STRN3: variants seen among roughly 807,000 people sequenced by gnomAD.
STRN3 encodes the protein striatin-3.
In STRN3, 29 loss-of-function variants were observed where a neutral mutation model predicts 95.6. The ratio of observed to expected loss-of-function variants is 0.30; its 90% CI spans 0.23 to 0.41. STRN3 has a LOEUF of 0.41. Ranked by LOEUF, STRN3 falls within the 10% of genes least tolerant of loss-of-function variation. The pLI, the probability that STRN3 is intolerant of heterozygous loss-of-function variation, is 1.00. For missense variants in STRN3, 890 were observed against 972.1 expected (o/e 0.92, Z 1.12); for synonymous variants, 331 against 357.6 (o/e 0.93, Z 0.84).
intron 1 of STRN3, among the ~76,000 whole-genome samples, chr14:30,966,237 A>T (rs959158223): frequency 2.6e-5 from 4 of 152,218 alleles, no homozygotes; most frequent in African/African-American, 9.6e-5. Flanking sequence ...AGGGATAAGA[A>T]CCCCTTCCCC....
At chr14:31,013,961 G>C (rs934423934) in intron 1 of STRN3, among the ~76,000 whole-genome samples, 1 of 142,426 alleles carries the variant, frequency 7.0e-6, no homozygotes, top group East Asian at 2.0e-4. Context: ...AGAGTGCAGT[G>C]GTGAGATCAT....
At position 30,943,903 on chromosome 14, in the gene STRN3, G is replaced by A. The variant is rs141051209; in HGVS notation, c.716+3187C>T. On this transcript the variant is annotated intron_variant, in intron 5 of 17. Coordinates refer to ENST00000357479, the MANE Select transcript of STRN3 (RefSeq NM_001083893.2). ...AGGAGGAAATGGGGAGCTGCTGTTC[G>A]AAAGTTATTGTTTCCAGTCATACCA... is the stretch of plus-strand genomic sequence containing the variant. Among the ~76,000 whole-genome samples, 417 of 152,124 alleles carry A rather than the reference G, an allele frequency of 2.7e-3. 2 individuals are homozygous for A. Among genetic ancestry groups the A allele is most frequent in the Non-Finnish European group, 4.4e-3 (297 of 67,996 alleles).
chr14:30,895,266 T>G lies in STRN3; in HGVS notation c.*145A>C, dbSNP rs141869629. 1.1e-4 allele frequency: 89 copies of G among 808,302 alleles called. No homozygotes were observed. The African/African-American group carries it at 1.3e-3, about 11-fold the overall frequency. The allele number at this position is 808,302 out of a possible 1,614,324, so 50.1% of individuals were successfully genotyped here. A position where few individuals can be genotyped will look rare whatever the true frequency, so the allele number is the denominator to read the frequency against. Reference sequence around the variant, plus strand: ...ACTTAATGAGCTTGACATTAAGATGTGATTTCCACCAATTTGTGCCTGCCC... The same window carrying G: ...ACTTAATGAGCTTGACATTAAGATGGGATTTCCACCAATTTGTGCCTGCCC... On this transcript the variant is annotated 3_prime_UTR_variant, in exon 18 of 18. Coordinates refer to ENST00000357479, the MANE Select transcript of STRN3 (RefSeq NM_001083893.2).
At chr14:30,977,691 G>C (rs1482014953) in intron 1 of STRN3, among the ~76,000 whole-genome samples, 2 of 150,498 alleles carry the variant, frequency 1.3e-5, no homozygotes, top group Non-Finnish European at 3.0e-5. Flanking sequence ...TACTCGAGAG[G>C]CTGAGGCAGG....
intron 1 of STRN3, among the ~76,000 whole-genome samples, chr14:30,984,669 T>C (rs1881591059): frequency 6.6e-6 from 1 of 151,688 alleles, no homozygotes; most frequent in Non-Finnish European, 1.5e-5. Flanking sequence ...TCCCAGCTAC[T>C]CAGGAGGCTG....
intron 8 of STRN3, among the ~76,000 whole-genome samples, chr14:30,925,759 G>C (rs1478652360): frequency 6.6e-6 from 1 of 152,084 alleles, no homozygotes; most frequent in Non-Finnish European, 1.5e-5. Context: ...ATGTTTAAAT[G>C]TATTAAAATG....
rs114390337 is a variant in STRN3, at chr14:31,023,737, C to T, written c.282+2167G>A. Among the ~76,000 whole-genome samples the T allele has an allele frequency of 4.5e-3, 688 of 151,818 alleles. 3 individuals carry two copies. The highest frequency in any genetic ancestry group is 0.016 in the African/African-American group (663 of 41,430). ...TATTCAACACATACATTTTAAAATA[C>T]GCATCTCACAAGCAATCTCAGTAGA... On this transcript the variant is annotated intron_variant, in intron 1 of 17. Transcript: ENST00000357479.
intron 1 of STRN3, among the ~76,000 whole-genome samples, chr14:30,968,753 G>GA (rs1207473736): frequency 0.017 from 1,513 of 87,470 alleles, 32 homozygotes; most frequent in African/African-American, 0.046. Flanking sequence ...GAAAGTTGTG[G>GA]AGAAAAAAAA....
At chr14:31,016,390 G>T (rs6571381) in intron 1 of STRN3, among the ~76,000 whole-genome samples, 1 of 151,906 alleles carries the variant, frequency 6.6e-6, no homozygotes, top group Non-Finnish European at 1.5e-5. Flanking sequence ...TCAACCCATA[G>T]AAAAGACAAG....
rs1451565030 is a variant in STRN3 at position 30,906,890 on chromosome 14, G to A, written c.1875C>T (p.Tyr625=). The A allele has an allele frequency of 6.2e-7, 1 of 1,608,978 alleles. No homozygotes were observed. Among genetic ancestry groups the A allele is most frequent in the East Asian group, 2.2e-5 (1 of 44,806 alleles). The change falls in exon 14 of 18, where the codon TAC becomes TAT. Residue 625 remains tyrosine, a synonymous_variant. Coordinates refer to ENST00000357479, the MANE Select transcript of STRN3 (RefSeq NM_001083893.2). Reference sequence around the variant, plus strand: ...AAATTTACTTACTTTTATCTCCATTGTAAGTGCAAATACATGGCAATTTTT... The same window carrying A: ...AAATTTACTTACTTTTATCTCCATTATAAGTGCAAATACATGGCAATTTTT... ...PQEKLPCICT[Y]NGDKKHGIPT...
intron 1 of STRN3, among the ~76,000 whole-genome samples, chr14:30,981,276 T>G (rs563908259): frequency 6.6e-6 from 1 of 152,252 alleles, no homozygotes; most frequent in African/African-American, 2.4e-5. Flanking sequence ...ACTGCACCAC[T>G]GCACTCCAGC....
intron 1 of STRN3, among the ~76,000 whole-genome samples, chr14:30,977,851 G>T (rs3898581): frequency 0.64 from 94,007 of 146,618 alleles, 31,054 homozygotes; most frequent in Non-Finnish European, 0.73. Context: ...TGAACCCATG[G>T]ACATTAAAAG....
intron 1 of STRN3, among the ~76,000 whole-genome samples, chr14:30,956,588 A>C (rs543562973): frequency 6.6e-6 from 1 of 152,248 alleles, no homozygotes; most frequent in South Asian, 2.1e-4. Flanking sequence ...AACAAAAAAA[A>C]CTCATAAAAT....
At chr14:30,940,335 T>C (rs1442615744) in intron 5 of STRN3, among the ~76,000 whole-genome samples, 2 of 152,162 alleles carry the variant, frequency 1.3e-5, no homozygotes, top group African/African-American at 2.4e-5. Flanking sequence ...GAGAAACATC[T>C]CCAATAGCTT....
intron 1 of STRN3, among the ~76,000 whole-genome samples, chr14:30,960,481 A>C (rs1048611153): frequency 2.0e-5 from 3 of 152,228 alleles, no homozygotes; most frequent in Non-Finnish European, 2.9e-5. Context: ...ATAGAAGATC[A>C]CATGATTTAT....
At chr14:30,908,365 T>A (rs985328861) in intron 13 of STRN3, among the ~76,000 whole-genome samples, 3 of 152,182 alleles carry the variant, frequency 2.0e-5, no homozygotes, top group Non-Finnish European at 2.9e-5. Context: ...CAATCCTTGC[T>A]AATGATGATC....
At chr14:30,912,964 T>C (rs1028951512) in intron 10 of STRN3, among the ~76,000 whole-genome samples, 9 of 152,086 alleles carry the variant, frequency 5.9e-5, no homozygotes, top group African/African-American at 9.7e-5. Flanking sequence ...TAACTCTCAA[T>C]TGAAATATTA....
chr14:31,001,578 G>A (rs1882452867), intron 1 of STRN3, among the ~76,000 whole-genome samples: 1 of 151,638 alleles, frequency 6.6e-6, no homozygotes. Context: ...TTCACATTTT[G>A]AGAAAAGCAC....
rs1236493778 is a variant in STRN3, at chr14:30,895,282, G to C, written c.*129C>G. On this transcript the variant is annotated 3_prime_UTR_variant, in exon 18 of 18. Coordinates refer to ENST00000357479, the MANE Select transcript of STRN3 (RefSeq NM_001083893.2). ...ATTAAGATGTGATTTCCACCAATTT[G>C]TGCCTGCCCCAGATAGCCTTCACCA... 6 of 880,094 alleles carry C rather than the reference G, an allele frequency of 6.8e-6. No homozygotes were observed. Among genetic ancestry groups the C allele is most frequent in the Admixed American group, 6.2e-5 (2 of 32,448 alleles). 54.5% of individuals were successfully genotyped at this position (880,094 alleles called of 1,614,324 possible).
Sources: allele counts gnomAD v4.1 joint callset (sites outside exome capture counted in the v4.1 genomes callset), GRCh38; gene constraint gnomAD v4.1.1; transcripts MANE v1.5; gene names NCBI Gene and HGNC (gene_info 2026-07-23, HGNC 2026-07-21).